AP1B1: variants seen among roughly 807,000 people sequenced by gnomAD.
AP1B1 encodes adaptor related protein complex 1 subunit beta 1, also known as AP-1 complex subunit beta-1.
In AP1B1, 36 loss-of-function variants were observed where a neutral mutation model predicts 104.3. The observed-to-expected ratio is 0.35, with a 90% CI of 0.26 to 0.46. The LOEUF is 0.46. Among genes scored for constraint, AP1B1 ranks in the 20% least tolerant of loss-of-function variants. AP1B1 has a pLI of 1.00. For synonymous variants in AP1B1, 504 were observed against 517.5 expected (o/e 0.97, Z 0.35); for missense variants, 901 against 1,247.9 (o/e 0.72, Z 4.19).
At position 29,330,674 on chromosome 22, in the gene AP1B1, G is replaced by A. The variant is rs1450719656; in HGVS notation, c.2560C>T (p.Pro854Ser). Residue 854 changes from proline (P) to serine (S), a missense_variant, in exon 20 of 23, where the codon CCC (proline) becomes TCC (serine). By Grantham distance (74) the Pro-to-Ser change is moderately conservative (BLOSUM62 -1). This residue lies in a region of AP1B1 where 424 missense variants were observed against 494.0 expected (regional missense o/e 0.86). Transcript: ENST00000357586. ...QMFLATWKDI[P>S]NENEAQFQIR... ...TGGAACTGGGCCTCATTCTCATTGG[G>A]AATATCCTTCCATGTGGCCAGGAAC... 1 of 1,613,686 alleles carries A rather than the reference G, an allele frequency of 6.2e-7. No homozygotes were observed. Among genetic ancestry groups the A allele is most frequent in the Non-Finnish European group, 8.5e-7 (1 of 1,179,998 alleles).
chr22:29,388,318 C>G, intron 1 of AP1B1, 106 bp downstream of exon 1: 1 of 152,528 alleles, frequency 6.6e-6, no homozygotes, highest in Non-Finnish European at 1.5e-5. Context: ...GCCCCTGCAG[C>G]GCCGCGTCCT....
chr22:29,367,453 T>C (rs2148022607), intron 1 of AP1B1, among the ~76,000 whole-genome samples, 183 bp from the exon 2 acceptor site: 1 of 149,828 alleles, frequency 6.7e-6, no homozygotes, highest in South Asian at 2.1e-4. Flanking sequence ...TTCTGAGGAA[T>C]CTATCAACCT....
chr22:29,350,000 C>G, intron 10 of AP1B1, 35 bp downstream of exon 10: 1 of 1,533,844 alleles, frequency 6.5e-7, no homozygotes, highest in Non-Finnish European at 9.0e-7. Flanking sequence ...CCAGGCAGAG[C>G]TAGATGCCCT....
In AP1B1 at chr22:29,356,743, C is replaced by CT; in HGVS notation, c.526-128dup. 3.3e-6 allele frequency: 3 copies of CT among 906,658 alleles called. No individual in the cohort carries two copies. The East Asian group carries it at 7.9e-5, about 24-fold the overall frequency. 56.2% of individuals were successfully genotyped at this position (906,658 alleles called of 1,614,324 possible). Reference sequence around the variant, plus strand: ...AGGAATATGACCCAATGGGCAGGGTCTGGAGCTGCAACGAGACCCACTCCA... The same window carrying CT: ...AGGAATATGACCCAATGGGCAGGGTCTTGGAGCTGCAACGAGACCCACTCCA... On this transcript the variant is annotated intron_variant, in intron 5 of 22. Transcript: ENST00000357586.
chr22:29,374,989 C>T lies in AP1B1; in HGVS notation c.-27-7719G>A, dbSNP rs551890434. Among the ~76,000 whole-genome samples, 113 of 152,276 alleles carry T rather than the reference C, an allele frequency of 7.4e-4. 2 individuals carry two copies. In the South Asian group the frequency reaches 0.023, roughly 31 times the overall value. ...CCTGGGCAACACAGTAAGACCCCAA[C>T]TCTATACATAAATAAAATGATAGCA... On this transcript the variant is annotated intron_variant, in intron 1 of 22. Transcript: ENST00000357586.
chr22:29,339,115 C>A lies in AP1B1; in HGVS notation c.2038G>T (p.Val680Leu), dbSNP rs759149457. 6.2e-7 allele frequency: 1 copy of A among 1,614,058 alleles called. No individual in the cohort carries two copies. The highest frequency in any genetic ancestry group is 8.5e-7 in the Non-Finnish European group (1 of 1,180,038). ...EPEGIGGTNF[V>L]APPTAAVPAN... Reference sequence around the variant, plus strand: ...GGTACTGCTGCTGTTGGAGGTGCCACGAAGTTGGTGCCCCCAATCTGGAAA... The same window carrying A: ...GGTACTGCTGCTGTTGGAGGTGCCAAGAAGTTGGTGCCCCCAATCTGGAAA... Residue 680 changes from valine to leucine, a missense_variant, in exon 16 of 23, where the codon GTG becomes TTG. Around this residue, in one of 3 missense-constraint regions of AP1B1, gnomAD observed 424 missense variants for 494.0 expected, o/e 0.86. Coordinates refer to ENST00000357586, the MANE Select transcript of AP1B1 (RefSeq NM_001127.4).
At chr22:29,387,777 T>C (rs142144694) in intron 1 of AP1B1, among the ~76,000 whole-genome samples, 3 of 152,308 alleles carry the variant, frequency 2.0e-5, no homozygotes, top group East Asian at 3.9e-4. Flanking sequence ...ATCGATAAAA[T>C]AGGGATATTT....
At chr22:29,380,044 T>C (rs959875582) in intron 1 of AP1B1, among the ~76,000 whole-genome samples, 2 of 152,026 alleles carry the variant, frequency 1.3e-5, no homozygotes, top group African/African-American at 4.8e-5. Context: ...GAAGGAAGAA[T>C]GAGATTCAGA....
chr22:29,376,761 A>C (rs904082065), intron 1 of AP1B1, among the ~76,000 whole-genome samples: 1 of 152,194 alleles, frequency 6.6e-6, no homozygotes, highest in African/African-American at 2.4e-5. Context: ...TCTGTTTCAA[A>C]GGCAGAGGTT....
chr22:29,330,425 A>G lies in AP1B1; in HGVS notation c.2719T>C (p.Trp907Arg), dbSNP rs201001783. Residue 907 changes from tryptophan to arginine, a missense_variant, in exon 21 of 23, where the codon TGG (tryptophan) becomes CGG (arginine). Trp to Arg is a moderately radical substitution (Grantham distance 101). Around this residue, in one of 3 missense-constraint regions of AP1B1, gnomAD observed 424 missense variants for 494.0 expected, o/e 0.86. Coordinates refer to ENST00000357586, the MANE Select transcript of AP1B1 (RefSeq NM_001127.4). ...TGGATCCGCAGCTCCGCCAGCACCCAGATGCCGTTGGTCAGCTTCAGGGAC... is the reference window on the plus strand; with the variant it reads ...TGGATCCGCAGCTCCGCCAGCACCCGGATGCCGTTGGTCAGCTTCAGGGAC... ...YQSLKLTNGIWVLAELRIQPG... is the reference protein window; with the variant it reads ...YQSLKLTNGIRVLAELRIQPG... 5.0e-6 allele frequency: 8 copies of G among 1,613,856 alleles called. No homozygotes were observed. The highest frequency in any genetic ancestry group is 5.1e-6 in the Non-Finnish European group (6 of 1,179,966).
At chr22:29,369,609 G>A (rs1000950987) in intron 1 of AP1B1, among the ~76,000 whole-genome samples, 1 of 152,216 alleles carries the variant, frequency 6.6e-6, no homozygotes, top group Non-Finnish European at 1.5e-5. Flanking sequence ...GCTGTAGACA[G>A]ATCCACAAAG....
rs371768484 is a variant in AP1B1 at position 29,355,401 on chromosome 22, C to A, written c.717-530G>T. Among the ~76,000 whole-genome samples, 17 of 152,016 alleles carry A rather than the reference C, an allele frequency of 1.1e-4. 1 individual carries two copies. The East Asian group carries it at 1.6e-3, about 14-fold the overall frequency. On this transcript the variant is annotated intron_variant, in intron 6 of 22. Transcript: ENST00000357586. ...CTTTGAGCCCAGGAGTTTGAGGCTG[C>A]AGTGAGCTGAGACTGTGACACTGCA...
intron 2 of AP1B1, 134 bp downstream of exon 2, chr22:29,367,073 A>G: frequency 1.4e-6 from 1 of 739,030 alleles, no homozygotes; most frequent in South Asian, 1.8e-5. Context: ...TAGATCTACC[A>G]CAAGCTCTAG....
chr22:29,385,649 C>T (rs2062510395), intron 1 of AP1B1, among the ~76,000 whole-genome samples: 1 of 152,196 alleles, frequency 6.6e-6, no homozygotes, highest in South Asian at 2.1e-4. Context: ...GTATTTGTTC[C>T]TCTCCATGTG....
Position 29,331,538 on chromosome 22 carries a change from G to A in AP1B1, c.2440-5C>T, listed in dbSNP as rs1471859484. 6.2e-7 allele frequency: 1 copy of A among 1,614,044 alleles called. No individual in the cohort carries two copies. Among genetic ancestry groups the A allele is most frequent in the Non-Finnish European group, 8.5e-7 (1 of 1,180,024 alleles). On this transcript the variant is annotated splice_polypyrimidine_tract_variant and splice_region_variant and intron_variant, in intron 18 of 22. Coordinates refer to ENST00000357586, the MANE Select transcript of AP1B1 (RefSeq NM_001127.4). ...GATGTTGTTCTTCACGGCCACCTAGGCACAAGGGGGTCCCCAGTCAGTCTC... is the reference window on the plus strand; with the variant it reads ...GATGTTGTTCTTCACGGCCACCTAGACACAAGGGGGTCCCCAGTCAGTCTC...
chr22:29,367,136 G>A (rs375080542), intron 2 of AP1B1, 71 bp downstream of exon 2: 17 of 1,460,580 alleles, frequency 1.2e-5, no homozygotes, highest in African/African-American at 7.1e-5. Flanking sequence ...ACTCCCTACC[G>A]CCATAGGAGG....
chr22:29,336,804 CAAA>C (rs1174010439), intron 16 of AP1B1, among the ~76,000 whole-genome samples: 11 of 72,942 alleles, frequency 1.5e-4, no homozygotes, highest in Admixed American at 6.4e-4. Context: ...AACTCTGTCT[CAAA>C]AAAAAAAAAA....
chr22:29,331,731 G>T, intron 18 of AP1B1, 56 bp downstream of exon 18: 2 of 1,613,944 alleles, frequency 1.2e-6, no homozygotes, highest in Non-Finnish European at 1.7e-6. Context: ...TGACCCCAGT[G>T]GGGCCCGGCT....
In AP1B1 at chr22:29,340,232, C is replaced by T. The variant is rs1017434808; in HGVS notation, c.1998+424G>A. Reference sequence around the variant, plus strand: ...GGCCTCCCATGCCCTCTCAAATAGGCCTGGATGGGCTGCTATTCCCAGCTG... The same window carrying T: ...GGCCTCCCATGCCCTCTCAAATAGGTCTGGATGGGCTGCTATTCCCAGCTG... On this transcript the variant is annotated intron_variant, in intron 14 of 22. Transcript: ENST00000357586. 4.6e-5 allele frequency among the ~76,000 whole-genome samples: 7 copies of T among 152,332 alleles called. No homozygotes were observed. In the East Asian group the frequency reaches 1.2e-3, roughly 25 times the overall value.
Sources: gnomAD v4.1 joint callset for allele counts (sites outside exome capture counted in the v4.1 genomes callset) on GRCh38, gnomAD v4.1.1 for gene constraint, gnomAD v4.1.1 regional missense constraint, MANE v1.5 for transcripts, NCBI Gene and HGNC (gene_info 2026-07-23, HGNC 2026-07-21) for gene names.